The following KCND2 variants were observed in gnomAD, a reference collection of about 807,000 sequenced individuals.
The protein encoded by KCND2 is A-type voltage-gated potassium channel KCND2.
Under a neutral mutation model 54.4 loss-of-function variants are expected in KCND2, and 16 were observed. The observed-to-expected ratio is 0.29, with a 90% CI of 0.20 to 0.45. The LOEUF is 0.45. KCND2 is among the 20% of genes least tolerant of loss of function. The probability of loss-of-function intolerance (pLI) is 1.00; values close to 1 mark genes in which losing one functional copy is unlikely to be tolerated. For missense variants in KCND2, 486 were observed against 824.2 expected (o/e 0.59, Z 5.02); for synonymous variants, 317 against 310.7 (o/e 1.02, Z -0.21).
intron 1 of KCND2, among the ~76,000 whole-genome samples, chr7:120,500,471 A>T (rs1245612032): frequency 1.3e-5 from 2 of 152,130 alleles, no homozygotes; most frequent in Non-Finnish European, 2.9e-5. Context: ...CTATTGGGGC[A>T]TTATCGCAAA....
chr7:120,641,654 A>T (rs1351589100), intron 1 of KCND2, among the ~76,000 whole-genome samples: 1 of 152,182 alleles, frequency 6.6e-6, no homozygotes, highest in Non-Finnish European at 1.5e-5. Context: ...AATGAAGTAG[A>T]GGAACTATTA....
At chr7:120,455,820 G>T (rs371849452) in intron 1 of KCND2, among the ~76,000 whole-genome samples, 35 of 152,178 alleles carry the variant, frequency 2.3e-4, no homozygotes, top group African/African-American at 8.2e-4. Flanking sequence ...CAGGGTTAAG[G>T]GTGGGAGGAA....
intron 1 of KCND2, among the ~76,000 whole-genome samples, chr7:120,474,735 AT>A (rs1443070354): frequency 6.6e-6 from 1 of 151,990 alleles, no homozygotes; most frequent in Non-Finnish European, 1.5e-5. Flanking sequence ...ATACTATCCC[AT>A]TACCTCAGCA....
chr7:120,298,573 A>C (rs967753295), intron 1 of KCND2, among the ~76,000 whole-genome samples: 7 of 152,214 alleles, frequency 4.6e-5, no homozygotes, highest in African/African-American at 1.7e-4. Flanking sequence ...ATCTCTAAAA[A>C]TAAGTGTTGA....
At chr7:120,469,832 A>G (rs966311039) in intron 1 of KCND2, among the ~76,000 whole-genome samples, 2 of 152,136 alleles carry the variant, frequency 1.3e-5, no homozygotes, top group African/African-American at 4.8e-5. Flanking sequence ...GCATGATACT[A>G]GTGTCAGTTT....
chr7:120,472,562 TACACAC>T (rs10679656), intron 1 of KCND2, among the ~76,000 whole-genome samples: 6 of 149,634 alleles, frequency 4.0e-5, no homozygotes, highest in East Asian at 2.0e-4. Flanking sequence ...AGACTTTAAA[TACACAC>T]ACACACACAC....
intron 1 of KCND2, among the ~76,000 whole-genome samples, chr7:120,363,796 T>C (rs966832926): frequency 6.6e-6 from 1 of 152,094 alleles, no homozygotes; most frequent in Non-Finnish European, 1.5e-5. Flanking sequence ...ACCCTTACAC[T>C]CTTATCTGAC....
chr7:120,404,666 A>G (rs1004490973), intron 1 of KCND2, among the ~76,000 whole-genome samples: 4 of 152,156 alleles, frequency 2.6e-5, no homozygotes, highest in Middle Eastern at 3.2e-3. Context: ...CAGCTTTGCC[A>G]GTAATAACCT....
chr7:120,561,452 A>G (rs974707612), intron 1 of KCND2, among the ~76,000 whole-genome samples: 9 of 152,106 alleles, frequency 5.9e-5, no homozygotes, highest in Non-Finnish European at 1.3e-4. Flanking sequence ...AACCAATCCT[A>G]TGAGGTATAA....
intron 1 of KCND2, among the ~76,000 whole-genome samples, chr7:120,688,309 G>A (rs1488243376): frequency 6.6e-6 from 1 of 152,072 alleles, no homozygotes; most frequent in Non-Finnish European, 1.5e-5. Context: ...CTCTGCTGTG[G>A]TAACAAGCAA....
intron 1 of KCND2, among the ~76,000 whole-genome samples, chr7:120,633,502 T>C (rs940425665): frequency 2.0e-5 from 3 of 152,126 alleles, no homozygotes; most frequent in African/African-American, 7.2e-5. Flanking sequence ...ACTTTGACAA[T>C]AAAATACAAC....
intron 1 of KCND2, among the ~76,000 whole-genome samples, chr7:120,512,626 G>T (rs2116333856): frequency 6.6e-6 from 1 of 152,016 alleles, no homozygotes; most frequent in Non-Finnish European, 1.5e-5. Context: ...GGTTCATTTA[G>T]GTAATCCTTT....
chr7:120,656,186 A>G (rs972679135), intron 1 of KCND2, among the ~76,000 whole-genome samples: 1 of 152,106 alleles, frequency 6.6e-6, no homozygotes, highest in African/African-American at 2.4e-5. Context: ...ATCCCTTTTC[A>G]TGGCTGGCCT....
At chr7:120,678,488 TA>T (rs1218941177) in intron 1 of KCND2, among the ~76,000 whole-genome samples, 1 of 147,180 alleles carries the variant, frequency 6.8e-6, no homozygotes, top group Non-Finnish European at 1.5e-5. Context: ...TACATACACA[TA>T]AATATACATA....
intron 1 of KCND2, among the ~76,000 whole-genome samples, chr7:120,492,686 A>G (rs1466704447): frequency 6.6e-6 from 1 of 152,068 alleles, no homozygotes; most frequent in Non-Finnish European, 1.5e-5. Context: ...TTACATTCCT[A>G]TAAATCCATC....
intron 1 of KCND2, among the ~76,000 whole-genome samples, chr7:120,687,699 C>A (rs1792221305): frequency 6.6e-6 from 1 of 151,996 alleles, no homozygotes; most frequent in Admixed American, 6.6e-5. Flanking sequence ...ACATAATAAA[C>A]AAATGCAATT....
At chr7:120,462,573 TA>T (rs1257834296) in intron 1 of KCND2, among the ~76,000 whole-genome samples, 1 of 152,040 alleles carries the variant, frequency 6.6e-6, no homozygotes, top group Non-Finnish European at 1.5e-5. Flanking sequence ...TATGAGTACC[TA>T]AACCTTTAAA....
chr7:120,654,186 T>C (rs1791773089), intron 1 of KCND2, among the ~76,000 whole-genome samples: 1 of 152,208 alleles, frequency 6.6e-6, no homozygotes, highest in Non-Finnish European at 1.5e-5. Context: ...CCTGGTTGTT[T>C]CTTCCTAGAA....
chr7:120,583,898 T>C (rs1792553808), intron 1 of KCND2, among the ~76,000 whole-genome samples: 2 of 151,796 alleles, frequency 1.3e-5, no homozygotes, highest in South Asian at 4.2e-4. Flanking sequence ...AAAAAAAGAA[T>C]CACAAAAATG....
Sources: gnomAD v4.1 joint callset for allele counts (sites outside exome capture counted in the v4.1 genomes callset) on GRCh38, gnomAD v4.1.1 for gene constraint, MANE v1.5 for transcripts, NCBI Gene and HGNC (gene_info 2026-07-23, HGNC 2026-07-21) for gene names.